Variants in WNT6 observed in about 807,000 individuals in gnomAD.
WNT6 encodes Wnt family member 6.
WNT6 carries 27 observed loss-of-function variants against 33.1 expected under a neutral mutation model. The ratio of observed to expected loss-of-function variants is 0.82; its 90% CI spans 0.60 to 1.12. The LOEUF (loss-of-function observed/expected upper bound fraction) is 1.12, where lower values mean the gene tolerates loss of function less well. Ranked by LOEUF, WNT6 falls within the 50% of genes most tolerant of loss-of-function variation. The probability of loss-of-function intolerance (pLI) is 0.00; values close to 1 mark genes in which losing one functional copy is unlikely to be tolerated. For missense variants in WNT6, 494 were observed against 535.3 expected, an observed-to-expected ratio of 0.92 and a Z score of 0.76; for synonymous variants, 249 against 242.8, an observed-to-expected ratio of 1.03 and a Z score of -0.24.
rs1944400771 is a variant in WNT6 at position 218,871,517 on chromosome 2, A to G, written c.334A>G (p.Thr112Ala). 6.3e-7 allele frequency: 1 copy of G among 1,597,566 alleles called. No homozygotes were observed. Among genetic ancestry groups the G allele is most frequent in the East Asian group, 2.2e-5 (1 of 44,782 alleles). Residue 112 changes from threonine (T) to alanine (A), a missense_variant, in exon 3 of 4, where the codon ACT becomes GCT. By Grantham distance (58) the Thr-to-Ala change is moderately conservative. Coordinates refer to ENST00000233948, the MANE Select transcript of WNT6 (RefSeq NM_006522.4). The surrounding 1 kb of genome is among the most constrained non-coding windows in gnomAD (Gnocchi z 6.4). ...GGAGACGGCCTTCGTGTTCGCCATCACTGCGGCCGGCGCCAGCCACGCCGT... is the reference window on the plus strand; with the variant it reads ...GGAGACGGCCTTCGTGTTCGCCATCGCTGCGGCCGGCGCCAGCCACGCCGT... The part of the protein sequence containing the change: ...IRETAFVFAI[T>A]AAGASHAVTQ...
chr2:218,860,786 A>T (rs1029115100), intron 1 of WNT6, among the ~76,000 whole-genome samples: 1 of 145,372 alleles, frequency 6.9e-6, no homozygotes, highest in Non-Finnish European at 1.5e-5. Flanking sequence ...GGGAAGGGAG[A>T]GGGGCCTGGC....
At chr2:218,868,913 A>G (rs1944375904) in intron 1 of WNT6, among the ~76,000 whole-genome samples, 2 of 152,212 alleles carry the variant, frequency 1.3e-5, no homozygotes, top group South Asian at 4.1e-4. Context: ...GACCCTGCAC[A>G]GCCATGTTGG....
At chr2:218,870,843 T>TA (rs1398999333) in intron 1 of WNT6, among the ~76,000 whole-genome samples, 184 bp from the exon 2 acceptor site, 34 of 152,238 alleles carry the variant, frequency 2.2e-4, no homozygotes, top group African/African-American at 7.5e-4. Flanking sequence ...AGACTCTAGT[T>TA]AGAGGGGACA....
rs992913099 is a variant in WNT6, at chr2:218,873,291, C to A, written c.637-93C>A. 1.6e-6 allele frequency: 2 copies of A among 1,261,864 alleles called. No individual in the cohort carries two copies. Among genetic ancestry groups the A allele is most frequent in the Non-Finnish European group, 2.2e-6 (2 of 928,566 alleles). The allele number at this position is 1,261,864 out of a possible 1,614,324, so 78.2% of individuals were successfully genotyped here. A position where few individuals can be genotyped will look rare whatever the true frequency, so the allele number is the denominator to read the frequency against. On this transcript the variant is annotated intron_variant, in intron 3 of 3. Transcript: ENST00000233948. This position sits in a 1 kb window ranked among gnomAD's most constrained non-coding sequence, Gnocchi z 6.1. ...CTGCATTTTCCTCTCTTCCTTTCAC[C>A]TCCCATTCCCAATCTTATTTTCTGT...
intron 1 of WNT6, among the ~76,000 whole-genome samples, chr2:218,865,574 C>T (rs1352829864): frequency 3.3e-5 from 5 of 152,186 alleles, no homozygotes; most frequent in African/African-American, 9.7e-5. Context: ...CCTGGCCACC[C>T]GGAATGCAGG....
chr2:218,873,331 C>A lies in WNT6; in HGVS notation c.637-53C>A, dbSNP rs1233317800. On this transcript the variant is annotated intron_variant, in intron 3 of 3. Coordinates refer to ENST00000233948, the MANE Select transcript of WNT6 (RefSeq NM_006522.4). The surrounding 1 kb of genome is among the most constrained non-coding windows in gnomAD (Gnocchi z 6.1). ...TTATTTTCTGTCCATCCGCTGGGCC[C>A]TTCCCTGCACCCCCTACCTGTCCAC... 6 of 1,485,274 alleles carry A rather than the reference C, an allele frequency of 4.0e-6. No homozygotes were observed. The East Asian group carries it at 1.3e-4, about 32-fold the overall frequency. 92.0% of individuals were successfully genotyped at this position (1,485,274 alleles called of 1,614,324 possible). A position where few individuals can be genotyped will look rare whatever the true frequency, so the allele number is the denominator to read the frequency against.
In WNT6 at chr2:218,860,023, C is replaced by T. The variant is rs1260428410; in HGVS notation, c.-15C>T. 2.0e-6 allele frequency: 3 copies of T among 1,477,948 alleles called. No homozygotes were observed. The highest frequency in any genetic ancestry group is 2.9e-5 in the East Asian group (1 of 34,236). 91.6% of individuals were successfully genotyped at this position (1,477,948 alleles called of 1,614,324 possible). A position where few individuals can be genotyped will look rare whatever the true frequency, so the allele number is the denominator to read the frequency against. On this transcript the variant is annotated 5_prime_UTR_variant, in exon 1 of 4. Transcript: ENST00000233948. The stretch of plus-strand genomic sequence containing the variant: ...CTCGCCCCCTGCCCACCCGGGCGGC[C>T]GTAGGGCGGTCACGATGCTGCCGCC...
chr2:218,861,492 T>C (rs1346185873), intron 1 of WNT6, among the ~76,000 whole-genome samples: 1 of 151,978 alleles, frequency 6.6e-6, no homozygotes, highest in Non-Finnish European at 1.5e-5. Flanking sequence ...TGGGAGGACG[T>C]GTAGAATAAT....
rs1166471018 is a variant in WNT6, at chr2:218,860,370, A to C, written c.80+253A>C. Among the ~76,000 whole-genome samples the C allele has an allele frequency of 3.9e-5, 6 of 152,216 alleles. No individual in the cohort carries two copies. In the South Asian group the frequency reaches 1.2e-3, roughly 31 times the overall value. ...GCGCTCACCCAGCTCACCAAGGAAC[A>C]GGCGAGTGGGTAGGAAAGATCTTTC... On this transcript the variant is annotated intron_variant, in intron 1 of 3. Transcript: ENST00000233948.
rs2106005872 is a variant in WNT6, at chr2:218,871,930, T to C, written c.636+111T>C. 10 of 279,822 alleles carry C rather than the reference T, an allele frequency of 3.6e-5. No homozygotes were observed. Among genetic ancestry groups the C allele is most frequent in the East Asian group, 2.9e-4 (2 of 6,930 alleles). The allele number at this position is 279,822 out of a possible 1,614,324, so 17.3% of individuals were successfully genotyped here. On this transcript the variant is annotated intron_variant, in intron 3 of 3. Coordinates refer to ENST00000233948, the MANE Select transcript of WNT6 (RefSeq NM_006522.4). This position sits in a 1 kb window ranked among gnomAD's most constrained non-coding sequence, Gnocchi z 6.4. Reference sequence around the variant, plus strand: ...AGGGTGTGTAGGTGGAGGGGGGCGTTAATGTGTGGGGGAGTGCGCACGGGC... The same window carrying C: ...AGGGTGTGTAGGTGGAGGGGGGCGTCAATGTGTGGGGGAGTGCGCACGGGC...
Position 218,871,475 on chromosome 2 carries a change from G to C in WNT6, c.302-10G>C. The C allele has an allele frequency of 6.3e-7, 1 of 1,596,652 alleles. No homozygotes were observed. The highest frequency in any genetic ancestry group is 8.5e-7 in the Non-Finnish European group (1 of 1,178,998). ...CAGCCCGCGCTGATTGCACCTGTCT[G>C]CATTCACAGACATTCGGGAGACGGC... On this transcript the variant is annotated splice_polypyrimidine_tract_variant and intron_variant, in intron 2 of 3. Coordinates refer to ENST00000233948, the MANE Select transcript of WNT6 (RefSeq NM_006522.4). The surrounding 1 kb of genome is among the most constrained non-coding windows in gnomAD (Gnocchi z 6.4).
chr2:218,871,054 C>A lies in WNT6; in HGVS notation c.108C>A (p.Asp36Glu), dbSNP rs201489407. ...CTGTGGGCAGCCCCTTGGTTATGGA[C>A]CCTACCAGCATCTGCAGGAAGGCAC... The part of the protein sequence containing the change: ...WWAVGSPLVM[D>E]PTSICRKARR... The change falls in exon 2 of 4, where the codon GAC becomes GAA. Residue 36 changes from aspartate (D) to glutamate (E), a missense_variant. Coordinates refer to ENST00000233948, the MANE Select transcript of WNT6 (RefSeq NM_006522.4). The surrounding 1 kb of genome is among the most constrained non-coding windows in gnomAD (Gnocchi z 6.4). 207 of 1,612,880 alleles carry A rather than the reference C, an allele frequency of 1.3e-4. No homozygotes were observed. Among genetic ancestry groups the A allele is most frequent in the Non-Finnish European group, 1.7e-4 (204 of 1,179,402 alleles).
Position 218,873,721 on chromosome 2 carries a change from G to T in WNT6, c.974G>T (p.Cys325Phe). 6.4e-7 allele frequency: 1 copy of T among 1,574,180 alleles called. No homozygotes were observed. The change falls in exon 4 of 4, where the codon TGC becomes TTC. Residue 325 changes from cysteine (C) to phenylalanine (F), a missense_variant. By Grantham distance (205) the Cys-to-Phe change is radical. Coordinates refer to ENST00000233948, the MANE Select transcript of WNT6 (RefSeq NM_006522.4). The surrounding 1 kb of genome is among the most constrained non-coding windows in gnomAD (Gnocchi z 6.1). ...CTCAGCGGCTGCGACCTGCTGTGCT[G>T]CGGCCGCGGGCACCGCCAGGAGAGC... is the stretch of plus-strand genomic sequence containing the variant. ...PDLSGCDLLC[C>F]GRGHRQESVQ...
intron 1 of WNT6, among the ~76,000 whole-genome samples, chr2:218,861,708 C>A (rs982462642): frequency 1.3e-5 from 2 of 152,096 alleles, no homozygotes; most frequent in African/African-American, 4.8e-5. Flanking sequence ...TCCCTGATGG[C>A]CATTGTCTTC....
intron 1 of WNT6, among the ~76,000 whole-genome samples, chr2:218,864,612 A>G (rs1376778620): frequency 6.6e-6 from 1 of 151,930 alleles, no homozygotes; most frequent in Non-Finnish European, 1.5e-5. Context: ...CCCTTGTTCC[A>G]CTAGGGAAAA....
intron 3 of WNT6, among the ~76,000 whole-genome samples, chr2:218,872,336 A>G (rs1411996844): frequency 6.6e-6 from 1 of 152,152 alleles, no homozygotes; most frequent in East Asian, 1.9e-4. Flanking sequence ...GGCAATGGAA[A>G]AGAGCGAAGG....
intron 1 of WNT6, among the ~76,000 whole-genome samples, chr2:218,869,904 C>T (rs1285532644): frequency 6.6e-6 from 1 of 152,196 alleles, no homozygotes; most frequent in East Asian, 1.9e-4. Context: ...GCTTGGTTCA[C>T]TGCCATTCTG....
chr2:218,871,959 A>C lies in WNT6; in HGVS notation c.636+140A>C. On this transcript the variant is annotated intron_variant, in intron 3 of 3. Coordinates refer to ENST00000233948, the MANE Select transcript of WNT6 (RefSeq NM_006522.4). The surrounding 1 kb of genome is among the most constrained non-coding windows in gnomAD (Gnocchi z 6.4). ...GTGTGGGGGAGTGCGCACGGGCGGA[A>C]AGATGGGCTGCAAGCATGGATGGAC... 7 of 811,946 alleles carry C rather than the reference A, an allele frequency of 8.6e-6. No homozygotes were observed. The highest frequency in any genetic ancestry group is 6.8e-5 in the East Asian group (2 of 29,294). 50.3% of individuals were successfully genotyped at this position (811,946 alleles called of 1,614,324 possible). A position where few individuals can be genotyped will look rare whatever the true frequency, so the allele number is the denominator to read the frequency against.
chr2:218,873,536 C>T lies in WNT6; in HGVS notation c.789C>T (p.Thr263=). Residue 263 remains threonine, a synonymous_variant, in exon 4 of 4, where the codon ACC becomes ACT. Coordinates refer to ENST00000233948, the MANE Select transcript of WNT6 (RefSeq NM_006522.4). The surrounding 1 kb of genome is among the most constrained non-coding windows in gnomAD (Gnocchi z 6.1). ...RFHGASRVMG[T]NDGKALLPAV... is the part of the protein sequence containing the mutation. ...ACGGCGCCTCACGCGTCATGGGCAC[C>T]AACGACGGCAAGGCCCTGCTGCCCG... is the stretch of plus-strand genomic sequence containing the variant. 1 of 1,537,948 alleles carries T rather than the reference C, an allele frequency of 6.5e-7. No homozygotes were observed. The highest frequency in any genetic ancestry group is 8.7e-7 in the Non-Finnish European group (1 of 1,146,188).
Sources: allele counts gnomAD v4.1 joint callset (sites outside exome capture counted in the v4.1 genomes callset), GRCh38; gene constraint gnomAD v4.1.1; non-coding constraint Gnocchi (gnomAD v3.1); transcripts MANE v1.5; gene names NCBI Gene and HGNC (gene_info 2026-07-23, HGNC 2026-07-21).